Variants in PLA2R1 observed in about 807,000 individuals in gnomAD.
PLA2R1 encodes the protein secretory phospholipase A2 receptor.
PLA2R1 carries 158 observed loss-of-function variants against 195.9 expected under a neutral mutation model. The ratio of observed to expected loss-of-function variants is 0.81; its 90% CI spans 0.71 to 0.92. PLA2R1 has a LOEUF of 0.92. Among genes scored for constraint, PLA2R1 ranks in the 40% least tolerant of loss-of-function variants. The probability of loss-of-function intolerance (pLI) is 0.00; values close to 1 mark genes in which losing one functional copy is unlikely to be tolerated. For missense variants in PLA2R1, 1,626 were observed against 1,764.6 expected (o/e 0.92, Z 1.41); for synonymous variants, 586 against 598.2 (o/e 0.98, Z 0.30).
rs1686700713 is a variant in PLA2R1, at chr2:159,934,123, G to T, written c.*7655C>A. On this transcript the variant is annotated 3_prime_UTR_variant, in exon 30 of 30. Coordinates refer to ENST00000283243, the MANE Select transcript of PLA2R1 (RefSeq NM_007366.5). ...ACAGTCAAAGTTTCTTATAAATGTT[G>T]GCAATAAGAATTATGATGTACATGC... 1 of 152,110 alleles carries T rather than the reference G, an allele frequency of 6.6e-6. No individual in the cohort carries two copies. The highest frequency in any genetic ancestry group is 1.5e-5 in the Non-Finnish European group (1 of 68,014). 9.4% of individuals were successfully genotyped at this position (152,110 alleles called of 1,614,324 possible).
chr2:159,935,087 T>G lies in PLA2R1; in HGVS notation c.*6691A>C, dbSNP rs1477322026. ...GTTTTTTCATGATTGAGATTATGCA[T>G]TTTGGGGAGGATACCAAAGAAGTCA... On this transcript the variant is annotated 3_prime_UTR_variant, in exon 30 of 30. Coordinates refer to ENST00000283243, the MANE Select transcript of PLA2R1 (RefSeq NM_007366.5). 6.6e-6 allele frequency: 1 copy of G among 152,226 alleles called. No individual in the cohort carries two copies. Among genetic ancestry groups the G allele is most frequent in the Non-Finnish European group, 1.5e-5 (1 of 68,048 alleles). The allele number at this position is 152,226 out of a possible 1,614,324, so 9.4% of individuals were successfully genotyped here.
At chr2:159,972,567 G>A (rs140155633) in intron 17 of PLA2R1, among the ~76,000 whole-genome samples, 185 of 152,282 alleles carry the variant, frequency 1.2e-3, no homozygotes, top group African/African-American at 4.2e-3. Context: ...CTTTTAAAAT[G>A]TTCCCATCAA....
chr2:159,955,697 C>T lies in PLA2R1; in HGVS notation c.3153+1G>A, dbSNP rs140228311. On this transcript the variant is annotated splice_donor_variant, in intron 22 of 29. Coordinates refer to ENST00000283243, the MANE Select transcript of PLA2R1 (RefSeq NM_007366.5). LOFTEE classifies it high-confidence loss of function. The stretch of plus-strand genomic sequence containing the variant: ...TCCAAAAAATAAATCTTAAAACTTA[C>T]ATTTATTATATCAAATGGAGACCAG... The T allele has an allele frequency of 2.0e-5, 28 of 1,416,782 alleles. No homozygotes were observed. Among genetic ancestry groups the T allele is most frequent in the African/African-American group, 1.0e-4 (7 of 68,688 alleles). The allele number at this position is 1,416,782 out of a possible 1,614,324, so 87.8% of individuals were successfully genotyped here.
intron 1 of PLA2R1, among the ~76,000 whole-genome samples, chr2:160,053,245 C>G (rs1281820393): frequency 6.6e-6 from 1 of 151,932 alleles, no homozygotes; most frequent in Non-Finnish European, 1.5e-5. Flanking sequence ...TATGAGTATA[C>G]CAGTCATAAT....
At chr2:160,015,464 G>A (rs1393422177) in intron 9 of PLA2R1, among the ~76,000 whole-genome samples, 2 of 152,104 alleles carry the variant, frequency 1.3e-5, no homozygotes, top group African/African-American at 4.8e-5. Flanking sequence ...TTTAAATACT[G>A]GTAATGCTGG....
chr2:160,062,272 G>C (rs1207856901), intron 1 of PLA2R1, 23 bp downstream of exon 1: 89 of 1,271,920 alleles, frequency 7.0e-5, no homozygotes, highest in Non-Finnish European at 9.1e-5. Context: ...TACCGATCCA[G>C]TCCCCGACCC....
chr2:160,023,854 A>G lies in PLA2R1; in HGVS notation c.1100-995T>C, dbSNP rs545344095. Among the ~76,000 whole-genome samples, 14 of 152,300 alleles carry G rather than the reference A, an allele frequency of 9.2e-5. No individual in the cohort carries two copies. In the South Asian group the frequency reaches 2.5e-3, roughly 27 times the overall value. On this transcript the variant is annotated intron_variant, in intron 6 of 29. Coordinates refer to ENST00000283243, the MANE Select transcript of PLA2R1 (RefSeq NM_007366.5). Reference sequence around the variant, plus strand: ...CTGGAGCACATCAAGGGAGTAGCAGAAACAACACGGAGCACAGAAACCCTT... The same window carrying G: ...CTGGAGCACATCAAGGGAGTAGCAGGAACAACACGGAGCACAGAAACCCTT...
Position 159,941,023 on chromosome 2 carries a change from T to C in PLA2R1, c.*755A>G, listed in dbSNP as rs572008068. 6.6e-6 allele frequency: 1 copy of C among 152,350 alleles called. No homozygotes were observed. Among genetic ancestry groups the C allele is most frequent in the Admixed American group, 6.5e-5 (1 of 15,302 alleles). 9.4% of individuals were successfully genotyped at this position (152,350 alleles called of 1,614,324 possible). A position where few individuals can be genotyped will look rare whatever the true frequency, so the allele number is the denominator to read the frequency against. ...GTTTCAATATATTACTTTAAGCTTA[T>C]GTATAAGACATTTTAAAATATCCAA... is the stretch of plus-strand genomic sequence containing the variant. On this transcript the variant is annotated 3_prime_UTR_variant, in exon 30 of 30. Transcript: ENST00000283243.
chr2:160,022,653 G>T lies in PLA2R1; in HGVS notation c.1294+12C>A, dbSNP rs765735794. The T allele has an allele frequency of 2.6e-6, 4 of 1,537,600 alleles. No individual in the cohort carries two copies. Among genetic ancestry groups the T allele is most frequent in the Non-Finnish European group, 2.6e-6 (3 of 1,132,996 alleles). On this transcript the variant is annotated intron_variant, in intron 7 of 29. Transcript: ENST00000283243. ...TTTTATGCCTTTTAAACCAAAGGCA[G>T]CTGGGACTCACCATCTCCAAGGAGG...
At chr2:159,959,877 C>G (rs1688326312) in intron 20 of PLA2R1, among the ~76,000 whole-genome samples, 2 of 152,172 alleles carry the variant, frequency 1.3e-5, no homozygotes, top group African/African-American at 4.8e-5. Context: ...CCACCACTAT[C>G]TTAGCCCAAC....
In PLA2R1 at chr2:160,016,132, C is replaced by T. The variant is rs187755692; in HGVS notation, c.1551+482G>A. ...TACAAAAATTAGCCAGGCGTAGTGGCGCACGCCTGTAATCCCAGCTACTCG... is the reference window on the plus strand; with the variant it reads ...TACAAAAATTAGCCAGGCGTAGTGGTGCACGCCTGTAATCCCAGCTACTCG... On this transcript the variant is annotated intron_variant, in intron 9 of 29. Coordinates refer to ENST00000283243, the MANE Select transcript of PLA2R1 (RefSeq NM_007366.5). 4.8e-3 allele frequency among the ~76,000 whole-genome samples: 728 copies of T among 152,030 alleles called. 27 individuals are homozygous for T. The highest frequency in any genetic ancestry group is 0.044 in the Admixed American group (666 of 15,274).
chr2:160,026,951 T>C (rs1401665945), intron 6 of PLA2R1, among the ~76,000 whole-genome samples: 2 of 152,148 alleles, frequency 1.3e-5, no homozygotes, highest in East Asian at 1.9e-4. Flanking sequence ...CTGGCCAACA[T>C]GGTGAAACCC....
At chr2:159,961,192 CAGG>C (rs1403094474) in intron 20 of PLA2R1, among the ~76,000 whole-genome samples, 4 of 152,148 alleles carry the variant, frequency 2.6e-5, no homozygotes, top group Admixed American at 2.0e-4. Flanking sequence ...CATTAATGCG[CAGG>C]AGAAGGCACT....
chr2:159,935,945 A>ACTTTTTTTTTTTTTT lies in PLA2R1; in HGVS notation c.*5832_*5833insAAAAAAAAAAAAAAG, dbSNP rs1686800434. On this transcript the variant is annotated 3_prime_UTR_variant, in exon 30 of 30. Transcript: ENST00000283243. ...GCAGTAAAAATATGTATATAAATTA[A>ACTTTTTTTTTTTTTT]TTTTTTTTTTTTTTTTTTTTTTTTG... The ACTTTTTTTTTTTTTT allele has an allele frequency of 9.3e-6, 1 of 107,230 alleles. No homozygotes were observed. The highest frequency in any genetic ancestry group is 3.6e-5 in the African/African-American group (1 of 27,846). The allele number at this position is 107,230 out of a possible 1,614,324, so 6.6% of individuals were successfully genotyped here.
At chr2:159,980,186 T>C (rs1188724913) in intron 13 of PLA2R1, among the ~76,000 whole-genome samples, 1 of 152,200 alleles carries the variant, frequency 6.6e-6, no homozygotes, top group Non-Finnish European at 1.5e-5. Context: ...TGCTGTGACA[T>C]GAACTGAGAG....
At chr2:160,009,003 C>G (rs1692175014) in intron 10 of PLA2R1, among the ~76,000 whole-genome samples, 1 of 152,188 alleles carries the variant, frequency 6.6e-6, no homozygotes, top group Admixed American at 6.5e-5. Context: ...AGTGAAATAC[C>G]ACTGCACACC....
chr2:160,032,956 TA>T lies in PLA2R1; in HGVS notation c.841+2del. 1 of 1,597,406 alleles carries T rather than the reference TA, an allele frequency of 6.3e-7. No homozygotes were observed. On this transcript the variant is annotated splice_donor_variant, in intron 4 of 29. Coordinates refer to ENST00000283243, the MANE Select transcript of PLA2R1 (RefSeq NM_007366.5). LOFTEE classifies it high-confidence loss of function. ...TATCAATGTGCGTCATCCACCTACT[TA>T]CCCCTTATGAAATTTTCTTCAGTTT...
chr2:160,012,807 G>A (rs1472848220), intron 10 of PLA2R1, among the ~76,000 whole-genome samples: 1 of 152,096 alleles, frequency 6.6e-6, no homozygotes, highest in Non-Finnish European at 1.5e-5. Flanking sequence ...AGCTACTCAT[G>A]GGGCTGAGGC....
chr2:159,987,270 G>C lies in PLA2R1; in HGVS notation c.1923C>G (p.Ser641=). 1 of 1,613,322 alleles carries C rather than the reference G, an allele frequency of 6.2e-7. No homozygotes were observed. The highest frequency in any genetic ancestry group is 8.5e-7 in the Non-Finnish European group (1 of 1,179,810). The change falls in exon 12 of 30, where the codon TCC becomes TCG. Residue 641 remains serine, a synonymous_variant. Coordinates refer to ENST00000283243, the MANE Select transcript of PLA2R1 (RefSeq NM_007366.5). ...VKHCRHFKAM[S]LCKQPVENQE... is the part of the protein sequence containing the mutation. ...GATTTTCAACTGGCTGCTTGCACAAGGACATTGCCTTAAAGTGCCGACAGT... is the reference window on the plus strand; with the variant it reads ...GATTTTCAACTGGCTGCTTGCACAACGACATTGCCTTAAAGTGCCGACAGT...
Sources: gnomAD v4.1 joint callset for allele counts (sites outside exome capture counted in the v4.1 genomes callset) on GRCh38, gnomAD v4.1.1 for gene constraint, MANE v1.5 for transcripts, NCBI Gene and HGNC (gene_info 2026-07-23, HGNC 2026-07-21) for gene names.